The following DNAH8 variants were observed in gnomAD, a reference collection of about 807,000 sequenced individuals.
DNAH8 encodes the protein axonemal beta dynein heavy chain 8.
A neutral mutation model predicts 562.1 loss-of-function variants in DNAH8; 382 were observed. The ratio of observed to expected loss-of-function variants is 0.68; its 90% CI spans 0.63 to 0.74. The LOEUF is 0.74. Ranked by LOEUF, DNAH8 falls within the 30% of genes least tolerant of loss-of-function variation. DNAH8 has a pLI of 0.00. For synonymous variants in DNAH8, 1,881 were observed against 1,919.4 expected (o/e 0.98, Z 0.52); for missense variants, 5,203 against 5,620.4 (o/e 0.93, Z 2.37).
chr6:38,797,892 T>C (rs905547538), intron 21 of DNAH8, among the ~76,000 whole-genome samples: 1 of 152,076 alleles, frequency 6.6e-6, no homozygotes. Context: ...TCTTAGTCGG[T>C]GTCTCCATCA....
chr6:38,923,275 A>G, intron 72 of DNAH8, 90 bp downstream of exon 72: 1 of 1,502,760 alleles, frequency 6.7e-7, no homozygotes, highest in Non-Finnish European at 9.0e-7. Context: ...TCTGAATCCC[A>G]TCATCTATGA....
rs562852660 is a variant in DNAH8 at position 38,827,733 on chromosome 6, CTTT to C, written c.4084-415_4084-413del. On this transcript the variant is annotated intron_variant, in intron 29 of 92. Transcript: ENST00000327475. Reference sequence around the variant, plus strand: ...TGCAAAAGCTTAATTCTTTACCAAACTTTTTTTTTTTTTTTTTTTTTTTTTTTT... The same window carrying C: ...TGCAAAAGCTTAATTCTTTACCAAACTTTTTTTTTTTTTTTTTTTTTTTTT... Among the ~76,000 whole-genome samples, 66 of 52,244 alleles carry C rather than the reference CTTT, an allele frequency of 1.3e-3. 25 individuals are homozygous for C. The highest frequency in any genetic ancestry group is 4.8e-3 in the East Asian group (10 of 2,104). 34.3% of individuals were successfully genotyped at this position (52,244 alleles called of 152,430 possible).
chr6:38,927,484 A>G (rs1415824403), intron 74 of DNAH8, among the ~76,000 whole-genome samples: 1 of 152,208 alleles, frequency 6.6e-6, no homozygotes, highest in African/African-American at 2.4e-5. Context: ...CAATGTAAAT[A>G]GAAGAGAAGA....
rs752989536 is a variant in DNAH8 at position 38,915,351 on chromosome 6, C to T, written c.10114C>T (p.Leu3372=). ...ESKLEAAKPA[L]EEAEAALNTI... ...CAAGCTTGAGGCAGCTAAACCTGCACTGGAAGAAGCAGAAGCAGCCCTGAA... is the reference window on the plus strand; with the variant it reads ...CAAGCTTGAGGCAGCTAAACCTGCATTGGAAGAAGCAGAAGCAGCCCTGAA... The change falls in exon 68 of 93, where the codon CTG becomes TTG. Residue 3372 remains leucine, a synonymous_variant. Coordinates refer to ENST00000327475, the MANE Select transcript of DNAH8 (RefSeq NM_001206927.2). 6.3e-7 allele frequency: 1 copy of T among 1,599,224 alleles called. No homozygotes were observed. The highest frequency in any genetic ancestry group is 1.1e-5 in the South Asian group (1 of 88,420).
At chr6:38,965,703 A>T (rs1230912615) in intron 82 of DNAH8, among the ~76,000 whole-genome samples, 1 of 152,178 alleles carries the variant, frequency 6.6e-6, no homozygotes, top group African/African-American at 2.4e-5. Flanking sequence ...TTTCCTGCAT[A>T]CACGCTTCTC....
chr6:38,921,159 G>A lies in DNAH8; in HGVS notation c.10525-210G>A, dbSNP rs967457918. On this transcript the variant is annotated intron_variant, in intron 70 of 92. Coordinates refer to ENST00000327475, the MANE Select transcript of DNAH8 (RefSeq NM_001206927.2). ...AGCCTCTCAAAGTTCTGGGATTACAGGCATGAGCCACCACACCTGGCCAGT... is the reference window on the plus strand; with the variant it reads ...AGCCTCTCAAAGTTCTGGGATTACAAGCATGAGCCACCACACCTGGCCAGT... Among the ~76,000 whole-genome samples the A allele has an allele frequency of 2.6e-5, 4 of 152,156 alleles. No homozygotes were observed. In the East Asian group the frequency reaches 7.7e-4, roughly 29 times the overall value.
chr6:38,938,387 A>G (rs1384047755), intron 78 of DNAH8, among the ~76,000 whole-genome samples, 161 bp downstream of exon 78: 1 of 152,246 alleles, frequency 6.6e-6, no homozygotes. Context: ...TGGTACATAT[A>G]CAACGGGGAA....
At chr6:38,900,384 TTGATAAACA>T (rs1349097068) in intron 62 of DNAH8, among the ~76,000 whole-genome samples, 2 of 152,248 alleles carry the variant, frequency 1.3e-5, no homozygotes, top group East Asian at 3.8e-4. Flanking sequence ...CATTGTACTC[TTGATAAACA>T]TTTGGTTTGG....
At chr6:38,979,062 C>T (rs868564200) in intron 85 of DNAH8, among the ~76,000 whole-genome samples, 16 of 152,236 alleles carry the variant, frequency 1.1e-4, no homozygotes, top group Admixed American at 2.0e-4. Context: ...TGCAGTAGAA[C>T]CTTCTGTCTG....
chr6:38,890,550 A>G (rs1339406944), intron 57 of DNAH8, 102 bp from the exon 58 acceptor site: 2 of 831,988 alleles, frequency 2.4e-6, no homozygotes, highest in Non-Finnish European at 4.0e-6. Context: ...ATTCTGAACA[A>G]CACCCAGCTT....
intron 12 of DNAH8, among the ~76,000 whole-genome samples, chr6:38,771,722 TCATTC>T (rs1280189477): frequency 6.6e-6 from 1 of 152,212 alleles, no homozygotes; most frequent in Non-Finnish European, 1.5e-5. Context: ...TTTCAGAACT[TCATTC>T]CATTCATCAT....
At chr6:38,848,827 A>G in intron 37 of DNAH8, 26 bp downstream of exon 37, 1 of 1,607,552 alleles carries the variant, frequency 6.2e-7, no homozygotes, top group South Asian at 1.1e-5. Context: ...GTAATTACTG[A>G]TAAAATAATT....
At chr6:38,779,851 G>A (rs1163654456) in intron 14 of DNAH8, 115 bp from the exon 15 acceptor site, 6 of 1,026,270 alleles carry the variant, frequency 5.8e-6, no homozygotes, top group African/African-American at 1.6e-5. Flanking sequence ...CTAGGACAAC[G>A]AATGAGGGCT....
intron 92 of DNAH8, among the ~76,000 whole-genome samples, chr6:39,027,415 G>T (rs923022887): frequency 2.0e-5 from 3 of 152,206 alleles, no homozygotes; most frequent in Non-Finnish European, 4.4e-5. Context: ...GAACATGGCT[G>T]GGGGGAAGAG....
In DNAH8 at chr6:38,875,669, T is replaced by A; in HGVS notation, c.7699T>A (p.Phe2567Ile). Residue 2567 changes from phenylalanine (F) to isoleucine (I), a missense_variant, in exon 53 of 93, where the codon TTT (phenylalanine) becomes ATT (isoleucine). By Grantham distance (21) the Phe-to-Ile change is conservative. Transcript: ENST00000327475. ...CTGTGTCGAACATCTTCATAAATTA[T>A]TTGTGTTTGGCCTAATGTGGAGTTT... ...VSCVEHLHKL[F>I]VFGLMWSLGA... 1 of 1,613,900 alleles carries A rather than the reference T, an allele frequency of 6.2e-7. No homozygotes were observed. Among genetic ancestry groups the A allele is most frequent in the South Asian group, 1.1e-5 (1 of 91,064 alleles).
intron 22 of DNAH8, among the ~76,000 whole-genome samples, chr6:38,803,811 T>C (rs17624428): frequency 0.14 from 21,331 of 151,838 alleles, 1,693 homozygotes; most frequent in Admixed American, 0.23. Context: ...AAGCTATGAA[T>C]TCCTACTTAC....
chr6:38,779,871 A>G, intron 14 of DNAH8, 95 bp from the exon 15 acceptor site: 1 of 1,204,916 alleles, frequency 8.3e-7, no homozygotes, highest in Non-Finnish European at 1.2e-6. Flanking sequence ...TGGTATGAAT[A>G]TTTGTCAAAT....
intron 15 of DNAH8, among the ~76,000 whole-genome samples, chr6:38,780,497 T>G (rs1266295751): frequency 6.6e-6 from 1 of 151,702 alleles, no homozygotes; most frequent in East Asian, 1.9e-4. Flanking sequence ...CCATGGAATG[T>G]TATGCATCCA....
intron 7 of DNAH8, among the ~76,000 whole-genome samples, chr6:38,740,189 A>C (rs528559900): frequency 3.9e-4 from 59 of 152,278 alleles, no homozygotes; most frequent in Admixed American, 3.5e-3. Flanking sequence ...TTGCAGGCTA[A>C]TTGTTTTTCA....
Sources: gnomAD v4.1 joint callset for allele counts (sites outside exome capture counted in the v4.1 genomes callset) on GRCh38, gnomAD v4.1.1 for gene constraint, MANE v1.5 for transcripts, NCBI Gene and HGNC (gene_info 2026-07-23, HGNC 2026-07-21) for gene names.